Variants in LY75 observed in about 807,000 individuals in gnomAD.
The protein encoded by LY75 is C-type lectin domain family 13 member B.
In LY75, 185 loss-of-function variants were observed where a neutral mutation model predicts 231.7. The observed-to-expected ratio is 0.80, with a 90% confidence interval of 0.71 to 0.90. The LOEUF is 0.90. Ranked by LOEUF, LY75 falls within the 40% of genes least tolerant of loss-of-function variation. LY75 has a pLI of 0.00. For synonymous variants in LY75, 668 were observed against 689.0 expected, an observed-to-expected ratio of 0.97 and a Z score of 0.48; for missense variants, 1,947 against 2,050.2, an observed-to-expected ratio of 0.95 and a Z score of 0.97.
intron 12 of LY75, among the ~76,000 whole-genome samples, chr2:159,875,151 T>C (rs1464066343): frequency 6.6e-6 from 1 of 151,538 alleles, no homozygotes. Context: ...ATGAGGATCA[T>C]AGGCATAGTG....
intron 1 of LY75, among the ~76,000 whole-genome samples, chr2:159,899,399 G>T (rs1346742428): frequency 6.6e-6 from 1 of 152,168 alleles, no homozygotes; most frequent in Admixed American, 6.5e-5. Flanking sequence ...AAAGCGTGTA[G>T]AGTAGCATGT....
intron 8 of LY75, among the ~76,000 whole-genome samples, chr2:159,880,571 A>G (rs930886434): frequency 6.6e-6 from 1 of 152,188 alleles, no homozygotes; most frequent in African/African-American, 2.4e-5. Context: ...TCTGTTTGAG[A>G]CCAGAAAAGA....
intron 13 of LY75, among the ~76,000 whole-genome samples, chr2:159,868,186 A>C (rs949665636): frequency 2.6e-5 from 4 of 152,212 alleles, no homozygotes; most frequent in African/African-American, 9.6e-5. Context: ...GTTATTAAGC[A>C]AACAAAGCAG....
intron 28 of LY75, among the ~76,000 whole-genome samples, chr2:159,821,463 A>G (rs1435965881): frequency 1.3e-5 from 2 of 151,848 alleles, no homozygotes; most frequent in African/African-American, 4.8e-5. Context: ...TAAAAATACA[A>G]AAATTAGCTG....
intron 13 of LY75, among the ~76,000 whole-genome samples, chr2:159,866,083 A>G (rs1221436138): frequency 2.0e-5 from 3 of 152,180 alleles, no homozygotes; most frequent in African/African-American, 7.2e-5. Flanking sequence ...GTATACATAT[A>G]TATAAATGTA....
rs1462210053 is a variant in LY75, at chr2:159,872,388, T to C, written c.2117+63A>G. 6.4e-6 allele frequency: 10 copies of C among 1,566,892 alleles called. No homozygotes were observed. The Admixed American group carries it at 1.7e-4, about 27-fold the overall frequency. ...AACAGAGAGTGAGGGTAAGAACATG[T>C]CAATTTTGAATATCTAGAGGACATC... On this transcript the variant is annotated intron_variant, in intron 13 of 34. Coordinates refer to ENST00000263636, the MANE Select transcript of LY75 (RefSeq NM_002349.4).
At chr2:159,878,743 G>T in intron 9 of LY75, 22 bp from the exon 10 acceptor site, 1 of 1,612,604 alleles carries the variant, frequency 6.2e-7, no homozygotes, top group South Asian at 1.1e-5. Context: ...GAAAAATATT[G>T]TCAAACTCTT....
At chr2:159,805,759 C>T (rs914469774) in intron 34 of LY75, among the ~76,000 whole-genome samples, 7 of 152,208 alleles carry the variant, frequency 4.6e-5, no homozygotes, top group Non-Finnish European at 2.9e-5. Flanking sequence ...TTGCTATGCA[C>T]ACTACACATC....
intron 3 of LY75, among the ~76,000 whole-genome samples, chr2:159,892,989 C>G (rs1177880992): frequency 6.6e-6 from 1 of 152,146 alleles, no homozygotes; most frequent in Non-Finnish European, 1.5e-5. Flanking sequence ...TTCAACTGAT[C>G]TCTTTCTTAA....
At position 159,853,632 on chromosome 2, in the gene LY75, T is replaced by G; in HGVS notation, c.2661A>C (p.Thr887=). The G allele has an allele frequency of 6.2e-7, 1 of 1,613,490 alleles. No homozygotes were observed. The highest frequency in any genetic ancestry group is 1.1e-5 in the South Asian group (1 of 91,074). ...GTAGAATCAATGATGTCACCTACTA[T>G]GTAAAATGATCATCTATTGGCCACT... is the stretch of plus-strand genomic sequence containing the variant. The part of the protein sequence containing the change: ...ISEWPIDDHF[T]YSRYPWHRFP... The change falls in exon 19 of 35, where the codon ACA becomes ACC. Residue 887 remains threonine, a splice_region_variant and synonymous_variant. Transcript: ENST00000263636.
At chr2:159,874,671 T>A in intron 12 of LY75, among the ~76,000 whole-genome samples, 1 of 80,632 alleles carries the variant, frequency 1.2e-5, no homozygotes, top group Non-Finnish European at 2.4e-5. Context: ...TATATATATT[T>A]TGTAAATATA....
At position 159,840,014 on chromosome 2, in the gene LY75, A is replaced by AAAAAAAAAG. The variant is rs551332613; in HGVS notation, c.3507+714_3507+715insCTTTTTTTT. Among the ~76,000 whole-genome samples, 503 of 149,590 alleles carry AAAAAAAAAG rather than the reference A, an allele frequency of 3.4e-3. 9 individuals carry two copies. The highest frequency in any genetic ancestry group is 0.012 in the African/African-American group (483 of 40,568). ...GAACAAGAACCTGTCTCAAAAAAAA[A>AAAAAAAAAG]AAAAAGAAAAAGAAAAAAGAGAAAG... On this transcript the variant is annotated intron_variant, in intron 25 of 34. Transcript: ENST00000263636.
chr2:159,828,165 A>G (rs2125838951), intron 28 of LY75, among the ~76,000 whole-genome samples: 1 of 151,674 alleles, frequency 6.6e-6, no homozygotes, highest in South Asian at 2.1e-4. Context: ...CATGGGAGAA[A>G]ATATTTGGAA....
rs1295974269 is a variant in LY75 at position 159,875,473 on chromosome 2, T to G, written c.1945A>C (p.Ser649Arg). The G allele has an allele frequency of 6.2e-7, 1 of 1,613,466 alleles. No individual in the cohort carries two copies. Among genetic ancestry groups the G allele is most frequent in the Non-Finnish European group, 8.5e-7 (1 of 1,179,770 alleles). ...TAACAAGAAAGACTTGCGGGGAAACTCTGCCAGCCTTCAGGACAGGGGTCA... is the reference window on the plus strand; with the variant it reads ...TAACAAGAAAGACTTGCGGGGAAACGCTGCCAGCCTTCAGGACAGGGGTCA... Reference protein sequence around the residue: ...PDDPCPEGWQSFPASLSCYKV... With the variant: ...PDDPCPEGWQRFPASLSCYKV... The change falls in exon 12 of 35, where the codon AGT becomes CGT. Residue 649 changes from serine to arginine, a missense_variant. Physicochemically the swap from Ser to Arg is moderately radical, Grantham distance 110 (BLOSUM62 -1). Coordinates refer to ENST00000263636, the MANE Select transcript of LY75 (RefSeq NM_002349.4).
At chr2:159,833,040 T>C (rs920540602) in intron 27 of LY75, among the ~76,000 whole-genome samples, 1 of 152,134 alleles carries the variant, frequency 6.6e-6, no homozygotes, top group Non-Finnish European at 1.5e-5. Flanking sequence ...TTTTGACTGC[T>C]CCAACTAACT....
At chr2:159,840,986 A>G in intron 24 of LY75, 31 bp from the exon 25 acceptor site, 1 of 1,607,734 alleles carries the variant, frequency 6.2e-7, no homozygotes, top group Non-Finnish European at 8.5e-7. Flanking sequence ...CAACAACAAC[A>G]AACCCTTCCC....
chr2:159,879,209 C>G lies in LY75; in HGVS notation c.1515+50G>C, dbSNP rs376153523. On this transcript the variant is annotated intron_variant, in intron 9 of 34. Transcript: ENST00000263636. ...TTAAGTCTCAGCTACCATTTCTAAC[C>G]AAGAAGTTGTAATACTGCTTGAGAA... 1.1e-5 allele frequency: 17 copies of G among 1,579,770 alleles called. No individual in the cohort carries two copies. The East Asian group carries it at 2.0e-4, about 19-fold the overall frequency.
intron 16 of LY75, among the ~76,000 whole-genome samples, chr2:159,857,089 C>A (rs1684569744): frequency 6.6e-6 from 1 of 152,174 alleles, no homozygotes; most frequent in Non-Finnish European, 1.5e-5. Flanking sequence ...GATATCCAAA[C>A]TGGTTTTCCT....
intron 33 of LY75, 111 bp from the exon 34 acceptor site, chr2:159,807,251 G>A (rs1682819488): frequency 3.2e-6 from 4 of 1,232,600 alleles, no homozygotes; most frequent in South Asian, 3.6e-5. Flanking sequence ...AGAGCCACTT[G>A]TTAAAATAAA....
Sources: gnomAD v4.1 joint callset for allele counts (sites outside exome capture counted in the v4.1 genomes callset) on GRCh38, gnomAD v4.1.1 for gene constraint, MANE v1.5 for transcripts, NCBI Gene and HGNC (gene_info 2026-07-23, HGNC 2026-07-21) for gene names.